PODNL1: variants seen among roughly 807,000 people sequenced by gnomAD.
PODNL1 encodes podocan like 1, also known as podocan-like protein 1.
PODNL1 carries 50 observed loss-of-function variants against 45.1 expected under a neutral mutation model. The ratio of observed to expected loss-of-function variants is 1.11; its 90% confidence interval spans 0.88 to 1.40. PODNL1 has a LOEUF of 1.40. Among genes scored for constraint, PODNL1 ranks in the 40% most tolerant of loss-of-function variants. The probability of loss-of-function intolerance (pLI) is 0.00; values close to 1 mark genes in which losing one functional copy is unlikely to be tolerated. For missense variants in PODNL1, 788 were observed against 793.3 expected (o/e 0.99, Z 0.08); for synonymous variants, 406 against 372.5 (o/e 1.09, Z -1.04).
At chr19:13,952,399 A>T in intron 1 of PODNL1, 2 of 1,208,134 alleles carry the variant, frequency 1.7e-6, no homozygotes, top group Non-Finnish European at 2.1e-6. Flanking sequence ...GCATAGCGCG[A>T]GTGCGGGCTT....
chr19:13,946,721 G>A (rs1036552729), intron 1 of PODNL1, among the ~76,000 whole-genome samples: 1 of 152,058 alleles, frequency 6.6e-6, no homozygotes, highest in Non-Finnish European at 1.5e-5. Context: ...ATACATATAC[G>A]TATTAAGGGA....
At chr19:13,948,653 G>A (rs1184719628) in intron 1 of PODNL1, among the ~76,000 whole-genome samples, 4 of 150,312 alleles carry the variant, frequency 2.7e-5, no homozygotes, top group East Asian at 2.0e-4. Context: ...CCTCCTGGCC[G>A]GGTGTGGTGG....
At chr19:13,932,240 C>A (rs889578593) in intron 8 of PODNL1, 128 bp from the exon 9 acceptor site, 11 of 1,183,184 alleles carry the variant, frequency 9.3e-6, no homozygotes, top group Non-Finnish European at 1.2e-5. Context: ...CCCCCCACCC[C>A]CCATGATTGC....
intron 2 of PODNL1, 111 bp downstream of exon 2, chr19:13,937,674 C>T: frequency 9.9e-7 from 1 of 1,013,500 alleles, no homozygotes; most frequent in Non-Finnish European, 1.4e-6. Flanking sequence ...CGCCCTCCTG[C>T]AAGTGTGTTC....
rs970738713 is a variant in PODNL1 at position 13,937,962 on chromosome 19, G to A, written c.48C>T (p.Pro16=). Residue 16 remains proline (P), a synonymous_variant, in exon 2 of 10, where the codon CCC becomes CCT. Coordinates refer to ENST00000588872, the MANE Select transcript of PODNL1 (RefSeq NM_001370095.3). The part of the protein sequence containing the change: ...LLLLLLPGPP[P]VAGLEDAAFP... ...AGGCAGCGTCTTCCAAGCCGGCGAC[G>A]GGCGGGGGCCCCGGCAACAGCAGGA... 17 of 1,541,830 alleles carry A rather than the reference G, an allele frequency of 1.1e-5. No homozygotes were observed. The highest frequency in any genetic ancestry group is 1.3e-5 in the Non-Finnish European group (15 of 1,140,400).
rs374900850 is a variant in PODNL1, at chr19:13,933,410, C to A, written c.813G>T (p.Leu271=). ...LEYLDLSHNQ[L]TTVPAGLPRT... ...GGGGCAGGCCGGCGGGCACTGTGGT[C>A]AGCTGGTTGTGGGAGAGATCCAGGT... is the stretch of plus-strand genomic sequence containing the variant. The change falls in exon 8 of 10, where the codon CTG becomes CTT. Residue 271 remains leucine (L), a synonymous_variant. Coordinates refer to ENST00000588872, the MANE Select transcript of PODNL1 (RefSeq NM_001370095.3). The surrounding 1 kb of genome is among the most constrained non-coding windows in gnomAD (Gnocchi z 5.2). 2 of 1,598,582 alleles carry A rather than the reference C, an allele frequency of 1.3e-6. No homozygotes were observed. Among genetic ancestry groups the A allele is most frequent in the South Asian group, 2.2e-5 (2 of 89,930 alleles).
rs1424019880 is a variant in PODNL1 at position 13,935,750 on chromosome 19, G to A, written c.465C>T (p.Pro155=). The change falls in exon 5 of 10, where the codon CCC becomes CCT. Residue 155 remains proline, a synonymous_variant. Transcript: ENST00000588872. The part of the protein sequence containing the change: ...LAANQVMEIF[P]LTFGEKPALR... ...GTGCCGGCTTCTCCCCAAAGGTGAGGGGGAAGATCTCCATCACTTGGTTGG... is the reference window on the plus strand; with the variant it reads ...GTGCCGGCTTCTCCCCAAAGGTGAGAGGGAAGATCTCCATCACTTGGTTGG... 4 of 1,590,252 alleles carry A rather than the reference G, an allele frequency of 2.5e-6. No individual in the cohort carries two copies. The highest frequency in any genetic ancestry group is 3.4e-6 in the Non-Finnish European group (4 of 1,171,906).
At chr19:13,952,828 G>T (rs1973129795) in intron 1 of PODNL1, among the ~76,000 whole-genome samples, 1 of 139,924 alleles carries the variant, frequency 7.1e-6, no homozygotes, top group Non-Finnish European at 1.6e-5. Context: ...TCAGTTGGGG[G>T]CCTGGATGCA....
chr19:13,936,497 C>A (rs1254766287), intron 2 of PODNL1, 37 bp from the exon 3 acceptor site: 6 of 1,550,770 alleles, frequency 3.9e-6, no homozygotes, highest in Non-Finnish European at 5.3e-6. Context: ...CACCCGTGAC[C>A]CCGTGACCAA....
At position 13,934,008 on chromosome 19, in the gene PODNL1, AGAG is replaced by A. The variant is rs1433513432; in HGVS notation, c.652-18_652-16del. Reference sequence around the variant, plus strand: ...ATGAGATTGTTCTGGAGAAGGAAGAAGAGAATGAGACTTGAGTCTGGGATGAGG... The same window carrying A: ...ATGAGATTGTTCTGGAGAAGGAAGAAAATGAGACTTGAGTCTGGGATGAGG... On this transcript the variant is annotated splice_polypyrimidine_tract_variant and intron_variant, in intron 6 of 9. Coordinates refer to ENST00000588872, the MANE Select transcript of PODNL1 (RefSeq NM_001370095.3). The A allele has an allele frequency of 2.5e-6, 4 of 1,584,196 alleles. No homozygotes were observed. In the African/African-American group the frequency reaches 5.4e-5, roughly 21 times the overall value.
chr19:13,952,719 C>T, intron 1 of PODNL1: 8 of 205,906 alleles, frequency 3.9e-5, no homozygotes, highest in Non-Finnish European at 5.6e-5. Context: ...GGGAGGAGGG[C>T]GTTCGCGGGG....
chr19:13,952,595 C>T, intron 1 of PODNL1: 1 of 1,264,842 alleles, frequency 7.9e-7, no homozygotes, highest in Non-Finnish European at 1.0e-6. Context: ...GGGAAGCGGG[C>T]AGCAGGGCGG....
Position 13,931,870 on chromosome 19 carries a change from A to G in PODNL1, c.1592T>C (p.Met531Thr). 8.1e-7 allele frequency: 1 copy of G among 1,231,988 alleles called. No individual in the cohort carries two copies. Among genetic ancestry groups the G allele is most frequent in the Non-Finnish European group, 1.0e-6 (1 of 987,946 alleles). 76.3% of individuals were successfully genotyped at this position (1,231,988 alleles called of 1,614,324 possible). The change falls in exon 10 of 10, where the codon ATG (methionine) becomes ACG (threonine). Residue 531 changes from methionine (M) to threonine (T), a missense_variant. Around this residue, in one of 3 missense-constraint regions of PODNL1, gnomAD observed 762 missense variants for 750.9 expected, o/e 1.01. Coordinates refer to ENST00000588872, the MANE Select transcript of PODNL1 (RefSeq NM_001370095.3). ...ALFLRANRLH[M>T]TSIAAEAFLG... Reference sequence around the variant, plus strand: ...GAAGGCCTCAGCCGCGATGCTCGTCATGTGAAGCCTGTTGGCCCTGCACAG... The same window carrying G: ...GAAGGCCTCAGCCGCGATGCTCGTCGTGTGAAGCCTGTTGGCCCTGCACAG...
upstream of PODNL1, among the ~76,000 whole-genome samples, chr19:13,941,363 C>CAA (rs775513538): frequency 6.0e-4 from 32 of 53,192 alleles, no homozygotes; most frequent in African/African-American, 1.1e-3. Flanking sequence ...GACTCCGTCT[C>CAA]AAAAAAAAAA....
Position 13,933,513 on chromosome 19 carries a change from T to C in PODNL1, c.768-58A>G. On this transcript the variant is annotated intron_variant, in intron 7 of 9. Transcript: ENST00000588872. The surrounding 1 kb of genome is among the most constrained non-coding windows in gnomAD (Gnocchi z 5.2). Reference sequence around the variant, plus strand: ...CACTTGGAGTGGGGTGCCTGACAGATTTTGGCGGGGAGGCTGGGGAGTGGT... The same window carrying C: ...CACTTGGAGTGGGGTGCCTGACAGACTTTGGCGGGGAGGCTGGGGAGTGGT... The C allele has an allele frequency of 6.7e-7, 1 of 1,497,700 alleles. No individual in the cohort carries two copies. The highest frequency in any genetic ancestry group is 8.9e-7 in the Non-Finnish European group (1 of 1,124,942). The allele number at this position is 1,497,700 out of a possible 1,614,324, so 92.8% of individuals were successfully genotyped here.
chr19:13,936,316 C>T, intron 3 of PODNL1, 51 bp downstream of exon 3: 2 of 1,518,722 alleles, frequency 1.3e-6, no homozygotes, highest in Non-Finnish European at 1.8e-6. Flanking sequence ...GCAGCTGAGA[C>T]CTCGGTCAGT....
At chr19:13,948,209 T>C (rs1972884635) in intron 1 of PODNL1, among the ~76,000 whole-genome samples, 1 of 150,784 alleles carries the variant, frequency 6.6e-6, no homozygotes, top group Non-Finnish European at 1.5e-5. Flanking sequence ...TTTTCTTTTT[T>C]TTTTTTTGAG....
At position 13,953,221 on chromosome 19, in the gene PODNL1, G is replaced by C. The variant is rs1973167600; in HGVS notation, c.-85C>G. 3.1e-6 allele frequency: 4 copies of C among 1,310,716 alleles called. No homozygotes were observed. In the South Asian group the frequency reaches 4.4e-5, roughly 14 times the overall value. 81.2% of individuals were successfully genotyped at this position (1,310,716 alleles called of 1,614,324 possible). ...GAAGCAGGCTCTGTCTCCTCCATCA[G>C]ACTGGAAACTCCCAGAGCTGGGGGA... On this transcript the variant is annotated 5_prime_UTR_variant, in exon 1 of 8. Transcript: ENST00000538371.
At chr19:13,940,883 C>CAAACAAAACAAAACAAAACA (rs57838976), upstream of PODNL1, among the ~76,000 whole-genome samples, 2 of 151,310 alleles carry the variant, frequency 1.3e-5, no homozygotes, top group African/African-American at 4.9e-5. Flanking sequence ...GACTCTGTCT[C>CAAACAAAACAAAACAAAACA]AAACAAAACA....
Sources: allele counts gnomAD v4.1 joint callset (sites outside exome capture counted in the v4.1 genomes callset), GRCh38; gene constraint gnomAD v4.1.1; regional missense constraint gnomAD v4.1.1; non-coding constraint Gnocchi (gnomAD v3.1); transcripts MANE v1.5; gene names NCBI Gene and HGNC (gene_info 2026-07-23, HGNC 2026-07-21).